Variants in AK4 observed in about 807,000 individuals in gnomAD.
AK4 encodes adenylate kinase 4.
In AK4, 13 loss-of-function variants were observed where a neutral mutation model predicts 24.6. The ratio of observed to expected loss-of-function variants is 0.53; its 90% CI spans 0.34 to 0.84. AK4 has a LOEUF of 0.84. AK4 is among the 40% of genes least tolerant of loss of function. AK4 has a pLI of 0.01. For missense variants in AK4, 192 were observed against 288.2 expected (o/e 0.67, Z 2.42); for synonymous variants, 88 against 107.0 (o/e 0.82, Z 1.10).
At chr1:65,186,157 A>T (rs1304294466) in intron 1 of AK4, among the ~76,000 whole-genome samples, 1 of 151,948 alleles carries the variant, frequency 6.6e-6, no homozygotes, top group African/African-American at 2.4e-5. Flanking sequence ...ATTTTTTGAG[A>T]CAGAGTCTCG....
At chr1:65,182,005 T>C (rs977546200) in intron 1 of AK4, among the ~76,000 whole-genome samples, 2 of 152,158 alleles carry the variant, frequency 1.3e-5, no homozygotes, top group Non-Finnish European at 2.9e-5. Context: ...ACCCTGGAAC[T>C]CCTGGGCTCA....
intron 1 of AK4, among the ~76,000 whole-genome samples, chr1:65,176,358 G>A (rs531631448): frequency 5.5e-4 from 84 of 152,304 alleles, no homozygotes; most frequent in Non-Finnish European, 1.0e-3. Context: ...TCTGGCTAGA[G>A]AGAAAAGAGT....
In AK4 at chr1:65,180,795, C is replaced by T. The variant is rs922178599; in HGVS notation, c.146-9915C>T. ...ATCTTTGACCAGGCCCCTTGAGATG[C>T]GTGTATGTGTGTGCGCAGGTGCGCA... On this transcript the variant is annotated intron_variant, in intron 1 of 4. Transcript: ENST00000327299. Among the ~76,000 whole-genome samples the T allele has an allele frequency of 2.6e-5, 4 of 152,230 alleles. No individual in the cohort carries two copies. In the East Asian group the frequency reaches 5.8e-4, roughly 22 times the overall value.
At chr1:65,179,737 A>G (rs933420278) in intron 1 of AK4, among the ~76,000 whole-genome samples, 2 of 152,140 alleles carry the variant, frequency 1.3e-5, no homozygotes, top group Non-Finnish European at 2.9e-5. Context: ...CTGGAGGCTG[A>G]GGCGGGAGAA....
chr1:65,219,931 T>G (rs1557469375), intron 3 of AK4, among the ~76,000 whole-genome samples: 1 of 152,206 alleles, frequency 6.6e-6, no homozygotes, highest in Non-Finnish European at 1.5e-5. Context: ...TTCTGAAAAC[T>G]ACAGATCTTT....
intron 2 of AK4, among the ~76,000 whole-genome samples, chr1:65,202,963 G>T (rs922545528): frequency 2.7e-5 from 4 of 147,486 alleles, no homozygotes; most frequent in South Asian, 2.2e-4. Flanking sequence ...CCTCAAACTG[G>T]GTTCAAGTGA....
chr1:65,170,912 G>T (rs191100719), intron 1 of AK4, among the ~76,000 whole-genome samples: 16 of 151,534 alleles, frequency 1.1e-4, no homozygotes, highest in African/African-American at 3.6e-4. Context: ...CCTTGTTAGG[G>T]TGTCATTCCT....
At chr1:65,191,747 G>T (rs1339636444) in intron 2 of AK4, among the ~76,000 whole-genome samples, 1 of 152,036 alleles carries the variant, frequency 6.6e-6, no homozygotes, top group Non-Finnish European at 1.5e-5. Context: ...GGTATAATAT[G>T]ATCATATTTC....
At chr1:65,157,522 G>A (rs553446557) in intron 1 of AK4, among the ~76,000 whole-genome samples, 1 of 152,266 alleles carries the variant, frequency 6.6e-6, no homozygotes, top group African/African-American at 2.4e-5. Context: ...GGTGGTTCAT[G>A]TTTGTAATCC....
intron 1 of AK4, among the ~76,000 whole-genome samples, chr1:65,190,506 A>AT (rs980680629): frequency 1.3e-5 from 2 of 151,770 alleles, no homozygotes; most frequent in African/African-American, 2.4e-5. Flanking sequence ...TGCTTTTATA[A>AT]TTTTTTGGGA....
chr1:65,177,939 T>TTA (rs1650771403), intron 1 of AK4, among the ~76,000 whole-genome samples: 1 of 148,200 alleles, frequency 6.7e-6, no homozygotes, highest in African/African-American at 2.5e-5. Context: ...AGATAGCATT[T>TTA]AAAAAAAAAA....
chr1:65,206,389 A>C (rs1245373737), intron 2 of AK4, among the ~76,000 whole-genome samples: 1 of 152,242 alleles, frequency 6.6e-6, no homozygotes, highest in Non-Finnish European at 1.5e-5. Context: ...AAATTTCTTT[A>C]GTCTTAATTG....
chr1:65,200,646 C>T (rs12060525), intron 2 of AK4, among the ~76,000 whole-genome samples: 5,738 of 152,158 alleles, frequency 0.038, 209 homozygotes, highest in African/African-American at 0.1. Flanking sequence ...CCCAGGTGAT[C>T]GCATGCATTT....
intron 1 of AK4, among the ~76,000 whole-genome samples, chr1:65,189,675 A>ACCC (rs71809703): frequency 6.3e-4 from 95 of 151,026 alleles, no homozygotes; most frequent in East Asian, 5.1e-3. Flanking sequence ...ACACACACAC[A>ACCC]CACCCCACAC....
chr1:65,220,102 G>A lies in AK4; in HGVS notation c.438+1176G>A, dbSNP rs186609978. Among the ~76,000 whole-genome samples, 17 of 152,314 alleles carry A rather than the reference G, an allele frequency of 1.1e-4. No individual in the cohort carries two copies. The East Asian group carries it at 1.7e-3, about 16-fold the overall frequency. Reference sequence around the variant, plus strand: ...TCATTTATTTTTGTAAGTGAATAATGTTCCATTGTATGGATGTACCACAGT... The same window carrying A: ...TCATTTATTTTTGTAAGTGAATAATATTCCATTGTATGGATGTACCACAGT... On this transcript the variant is annotated intron_variant, in intron 3 of 4. Transcript: ENST00000327299.
At chr1:65,221,071 A>G (rs1040109202) in intron 3 of AK4, among the ~76,000 whole-genome samples, 14 of 152,180 alleles carry the variant, frequency 9.2e-5, no homozygotes, top group Non-Finnish European at 2.1e-4. Context: ...AAAATTAGAC[A>G]TGTGTAAAGG....
rs931227485 is a variant in AK4 at position 65,231,356 on chromosome 1, G to T, written c.*5179G>T. The T allele has an allele frequency of 1.3e-5, 2 of 152,780 alleles. No individual in the cohort carries two copies. Among genetic ancestry groups the T allele is most frequent in the African/African-American group, 4.8e-5 (2 of 41,472 alleles). 9.5% of individuals were successfully genotyped at this position (152,780 alleles called of 1,614,324 possible). A position where few individuals can be genotyped will look rare whatever the true frequency, so the allele number is the denominator to read the frequency against. On this transcript the variant is annotated 3_prime_UTR_variant, in exon 5 of 5. Coordinates refer to ENST00000327299, the MANE Select transcript of AK4 (RefSeq NM_013410.4). ...ATTTTTGTGTGTGTGTGGTGTGTGT[G>T]TGAGAGAGAGAGATACTGCAGTAAA...
At chr1:65,182,246 G>A (rs1650934091) in intron 1 of AK4, among the ~76,000 whole-genome samples, 1 of 152,158 alleles carries the variant, frequency 6.6e-6, no homozygotes, top group South Asian at 2.1e-4. Flanking sequence ...TGTATCTTTA[G>A]TGCCTTGTGT....
chr1:65,219,249 G>A (rs1008525954), intron 3 of AK4, among the ~76,000 whole-genome samples: 3 of 151,574 alleles, frequency 2.0e-5, no homozygotes, highest in African/African-American at 7.3e-5. Flanking sequence ...TCTATTGCTG[G>A]TGGGATCTGG....
Sources: allele counts gnomAD v4.1 joint callset (sites outside exome capture counted in the v4.1 genomes callset), GRCh38; gene constraint gnomAD v4.1.1; transcripts MANE v1.5; gene names NCBI Gene and HGNC (gene_info 2026-07-23, HGNC 2026-07-21).